SMAD3: variants seen among roughly 807,000 people sequenced by gnomAD.
SMAD3 encodes MAD homolog 3.
SMAD3 carries 12 observed loss-of-function variants against 51.8 expected under a neutral mutation model. The ratio of observed to expected loss-of-function variants is 0.23; its 90% CI spans 0.15 to 0.38. SMAD3 has a LOEUF of 0.38. Ranked by LOEUF, SMAD3 falls within the 10% of genes least tolerant of loss-of-function variation. The pLI is 1.00. For missense variants in SMAD3, 294 were observed against 565.6 expected (o/e 0.52, Z 4.87); for synonymous variants, 238 against 227.7 (o/e 1.05, Z -0.41).
At chr15:67,142,207 C>CCCCA in intron 1 of SMAD3, among the ~76,000 whole-genome samples, 1 of 151,052 alleles carries the variant, frequency 6.6e-6, no homozygotes, top group African/African-American at 2.4e-5. Context: ...ACACCCCCCC[C>CCCCA]ACCATTGTTT....
At chr15:67,153,201 C>T in intron 1 of SMAD3, among the ~76,000 whole-genome samples, 1 of 152,086 alleles carries the variant, frequency 6.6e-6, no homozygotes, top group Non-Finnish European at 1.5e-5. Context: ...GTGTAAATTG[C>T]TTCTGTTTGG....
chr15:67,141,603 T>A (rs12443188), intron 1 of SMAD3, among the ~76,000 whole-genome samples: 31,711 of 152,144 alleles, frequency 0.21, 3,647 homozygotes, highest in South Asian at 0.33. Context: ...CCCTGAAGGC[T>A]GTACCAGGAC....
chr15:67,172,333 C>T (rs142367095), intron 5 of SMAD3, among the ~76,000 whole-genome samples: 5 of 152,388 alleles, frequency 3.3e-5, no homozygotes, highest in East Asian at 1.9e-4. Flanking sequence ...GGCCTAGTTG[C>T]ACCTCTGCTG....
chr15:67,128,514 G>A (rs1260572396), intron 1 of SMAD3, among the ~76,000 whole-genome samples: 2 of 152,002 alleles, frequency 1.3e-5, no homozygotes, highest in African/African-American at 2.4e-5. Flanking sequence ...TTATAATTTC[G>A]AAAACCTTAA....
intron 5 of SMAD3, among the ~76,000 whole-genome samples, chr15:67,173,845 T>A (rs1394738097): frequency 6.6e-6 from 1 of 152,148 alleles, no homozygotes; most frequent in Admixed American, 6.5e-5. Flanking sequence ...TGAGAGGGAA[T>A]CATGGGCCTG....
intron 7 of SMAD3, among the ~76,000 whole-genome samples, chr15:67,186,091 A>G (rs1055108238): frequency 1.2e-4 from 19 of 152,244 alleles, no homozygotes; most frequent in African/African-American, 4.1e-4. Context: ...CTCTGGCTCT[A>G]TAAGTAAGGA....
chr15:67,166,668 A>G lies in SMAD3; in HGVS notation c.533-111A>G, dbSNP rs111842159. ...CTCTACTCCAAGACCTGGAGCTCCTACAGCCACGGATGCTAGCATCATGGT... is the reference window on the plus strand; with the variant it reads ...CTCTACTCCAAGACCTGGAGCTCCTGCAGCCACGGATGCTAGCATCATGGT... On this transcript the variant is annotated intron_variant, in intron 3 of 8. Transcript: ENST00000327367. 10 of 765,934 alleles carry G rather than the reference A, an allele frequency of 1.3e-5. No individual in the cohort carries two copies. The African/African-American group carries it at 1.4e-4, about 11-fold the overall frequency. 47.4% of individuals were successfully genotyped at this position (765,934 alleles called of 1,614,324 possible).
At chr15:67,089,862 C>T (rs1055306112) in intron 1 of SMAD3, among the ~76,000 whole-genome samples, 2 of 152,216 alleles carry the variant, frequency 1.3e-5, no homozygotes, top group Non-Finnish European at 2.9e-5. Context: ...AGCTAGGAAG[C>T]GGCCAGGCAG....
At chr15:67,170,952 A>C (rs999167991) in intron 5 of SMAD3, among the ~76,000 whole-genome samples, 1 of 152,274 alleles carries the variant, frequency 6.6e-6, no homozygotes, top group African/African-American at 2.4e-5. Context: ...ACGGACAGCC[A>C]TGCAGACTCC....
Position 67,183,189 on chromosome 15 carries a change from T to C in SMAD3, c.872-1538T>C, listed in dbSNP as rs143351614. On this transcript the variant is annotated intron_variant, in intron 6 of 8. Coordinates refer to ENST00000327367, the MANE Select transcript of SMAD3 (RefSeq NM_005902.4). The stretch of plus-strand genomic sequence containing the variant: ...TCCTGAGTAGCTGGGATTACAGGCA[T>C]GTGCCACCACACCTGGCTAATTTTT... Among the ~76,000 whole-genome samples the C allele has an allele frequency of 9.6e-3, 1,446 of 150,826 alleles. 20 individuals carry two copies. The highest frequency in any genetic ancestry group is 0.03 in the African/African-American group (1,216 of 40,996).
At chr15:67,132,374 C>T (rs1034490995) in intron 1 of SMAD3, among the ~76,000 whole-genome samples, 2 of 152,178 alleles carry the variant, frequency 1.3e-5, no homozygotes, top group East Asian at 1.9e-4. Flanking sequence ...AACATTGCCC[C>T]ATCTCCACCC....
chr15:67,115,201 C>A (rs180982541), intron 1 of SMAD3, among the ~76,000 whole-genome samples: 4 of 152,274 alleles, frequency 2.6e-5, no homozygotes, highest in African/African-American at 9.6e-5. Context: ...ATGAGCACTT[C>A]CAGGAGCACC....
At chr15:67,178,785 G>C (rs542029472) in intron 5 of SMAD3, among the ~76,000 whole-genome samples, 1 of 152,260 alleles carries the variant, frequency 6.6e-6, no homozygotes, top group East Asian at 1.9e-4. Context: ...GCCAGAGCCA[G>C]ACGTGGCTGA....
At position 67,194,985 on chromosome 15, in the gene SMAD3, C is replaced by T. The variant is rs1385546438; in HGVS notation, c.*4449C>T. ...TTGATTACCTTCACTATTCGGCCAGCCTGACCTTTTAATAACTTTGTAAAA... is the reference window on the plus strand; with the variant it reads ...TTGATTACCTTCACTATTCGGCCAGTCTGACCTTTTAATAACTTTGTAAAA... On this transcript the variant is annotated 3_prime_UTR_variant, in exon 9 of 9. Transcript: ENST00000327367. 4 of 233,534 alleles carry T rather than the reference C, an allele frequency of 1.7e-5. No homozygotes were observed. The East Asian group carries it at 2.4e-4, about 14-fold the overall frequency. The allele number at this position is 233,534 out of a possible 1,614,324, so 14.5% of individuals were successfully genotyped here. A position where few individuals can be genotyped will look rare whatever the true frequency, so the allele number is the denominator to read the frequency against.
At chr15:67,103,778 G>A (rs1960814753) in intron 1 of SMAD3, among the ~76,000 whole-genome samples, 1 of 152,228 alleles carries the variant, frequency 6.6e-6, no homozygotes, top group African/African-American at 2.4e-5. Context: ...AACTGTCAGT[G>A]CTTCTGGATC....
intron 1 of SMAD3, among the ~76,000 whole-genome samples, chr15:67,136,910 C>G (rs542496412): frequency 6.6e-6 from 1 of 152,282 alleles, no homozygotes; most frequent in South Asian, 2.1e-4. Flanking sequence ...CCCCATTGAC[C>G]ATAGGATATG....
At chr15:67,120,837 T>C (rs1433573537) in intron 1 of SMAD3, among the ~76,000 whole-genome samples, 2 of 152,196 alleles carry the variant, frequency 1.3e-5, no homozygotes, top group African/African-American at 2.4e-5. Flanking sequence ...TCATAAACTT[T>C]CTGAAAACAT....
At chr15:67,148,338 T>C (rs1346767325) in intron 1 of SMAD3, among the ~76,000 whole-genome samples, 5 of 152,188 alleles carry the variant, frequency 3.3e-5, no homozygotes, top group Non-Finnish European at 5.9e-5. Context: ...CAGCCAGGGC[T>C]CCAGTCCATC....
At chr15:67,102,399 C>T (rs1195685852) in intron 1 of SMAD3, among the ~76,000 whole-genome samples, 2 of 152,128 alleles carry the variant, frequency 1.3e-5, no homozygotes, top group South Asian at 2.1e-4. Flanking sequence ...ACACATACAG[C>T]AGTCATGCAC....
Sources: allele counts gnomAD v4.1 joint callset (sites outside exome capture counted in the v4.1 genomes callset), GRCh38; gene constraint gnomAD v4.1.1; transcripts MANE v1.5; gene names NCBI Gene and HGNC (gene_info 2026-07-23, HGNC 2026-07-21).